Variants in NLGN1 observed in about 807,000 individuals in gnomAD.
The protein encoded by NLGN1 is neuroligin 1, also known as neuroligin-1.
Under a neutral mutation model 65.5 loss-of-function variants are expected in NLGN1, and 12 were observed. The observed-to-expected ratio is 0.18, with a 90% confidence interval of 0.12 to 0.30. The LOEUF (loss-of-function observed/expected upper bound fraction) is 0.30, where lower values mean the gene tolerates loss of function less well. NLGN1 is among the 10% of genes least tolerant of loss of function. The probability of loss-of-function intolerance (pLI) is 1.00; values close to 1 mark genes in which losing one functional copy is unlikely to be tolerated. For missense variants in NLGN1, 750 were observed against 1,007.1 expected (o/e 0.74, Z 3.46); for synonymous variants, 350 against 359.5 (o/e 0.97, Z 0.30).
chr3:173,886,780 A>C (rs1734412907), intron 4 of NLGN1, among the ~76,000 whole-genome samples: 1 of 152,032 alleles, frequency 6.6e-6, no homozygotes, highest in South Asian at 2.1e-4. Context: ...ACTCCATAGG[A>C]GGTATAATAA....
At chr3:173,782,993 TAAGA>T (rs1425150430) in intron 3 of NLGN1, among the ~76,000 whole-genome samples, 1 of 107,032 alleles carries the variant, frequency 9.3e-6, no homozygotes, top group African/African-American at 3.5e-5. Flanking sequence ...AGCTGTCTTT[TAAGA>T]AAGAGAGGGA....
chr3:173,954,106 A>T (rs565868465), intron 4 of NLGN1, among the ~76,000 whole-genome samples: 4 of 152,178 alleles, frequency 2.6e-5, no homozygotes, highest in African/African-American at 9.7e-5. Flanking sequence ...GTAAAATATT[A>T]TCATCAGTCT....
chr3:174,145,629 A>G (rs1214717243), intron 4 of NLGN1, among the ~76,000 whole-genome samples: 1 of 152,258 alleles, frequency 6.6e-6, no homozygotes, highest in Non-Finnish European at 1.5e-5. Flanking sequence ...TGTCTTTGAC[A>G]TTGCTACTTG....
At chr3:174,155,930 TTC>T (rs1384553419) in intron 4 of NLGN1, among the ~76,000 whole-genome samples, 4 of 151,980 alleles carry the variant, frequency 2.6e-5, no homozygotes, top group African/African-American at 9.7e-5. Flanking sequence ...TTACAAGTGT[TTC>T]TGTCTTCATT....
chr3:173,741,578 C>T (rs1774651367), intron 3 of NLGN1, among the ~76,000 whole-genome samples: 1 of 152,032 alleles, frequency 6.6e-6, no homozygotes, highest in South Asian at 2.1e-4. Flanking sequence ...CTGCAACCTC[C>T]ACCTCCTAGG....
chr3:174,048,660 G>A (rs1257821576), intron 4 of NLGN1, among the ~76,000 whole-genome samples: 3 of 151,932 alleles, frequency 2.0e-5, no homozygotes, highest in Admixed American at 6.6e-5. Context: ...TAAGAGTCAC[G>A]AAATGAAAGA....
At chr3:174,256,364 A>T (rs1577624814) in intron 4 of NLGN1, among the ~76,000 whole-genome samples, 1 of 152,184 alleles carries the variant, frequency 6.6e-6, no homozygotes, top group East Asian at 1.9e-4. Context: ...AATATTTGAA[A>T]TGTTCAAAGA....
chr3:173,523,133 G>A (rs946806791), intron 2 of NLGN1, among the ~76,000 whole-genome samples: 15 of 100,608 alleles, frequency 1.5e-4, no homozygotes, highest in African/African-American at 5.2e-4. Flanking sequence ...ATTTGTTTTT[G>A]TTGTTGTTAT....
chr3:173,661,288 CA>C (rs1319992455), intron 3 of NLGN1, among the ~76,000 whole-genome samples: 1 of 151,934 alleles, frequency 6.6e-6, no homozygotes, highest in Non-Finnish European at 1.5e-5. Flanking sequence ...TGGCTTACTG[CA>C]ATGTGTCTCA....
At chr3:173,721,921 G>A (rs1343905182) in intron 3 of NLGN1, among the ~76,000 whole-genome samples, 2 of 142,350 alleles carry the variant, frequency 1.4e-5, no homozygotes, top group African/African-American at 2.6e-5. Flanking sequence ...TGACATGATG[G>A]GCAACATGAA....
chr3:173,861,668 T>C (rs548697555), intron 4 of NLGN1, among the ~76,000 whole-genome samples: 1 of 151,806 alleles, frequency 6.6e-6, no homozygotes, highest in South Asian at 2.1e-4. Flanking sequence ...TGATTACCAA[T>C]AGAACAATTT....
intron 4 of NLGN1, among the ~76,000 whole-genome samples, chr3:174,158,551 C>A (rs1308103678): frequency 1.3e-5 from 2 of 151,592 alleles, no homozygotes; most frequent in East Asian, 3.9e-4. Context: ...CCGGGCATAC[C>A]TTGGTGCTGT....
intron 4 of NLGN1, among the ~76,000 whole-genome samples, chr3:174,037,064 G>A (rs1560894974): frequency 2.0e-5 from 3 of 152,050 alleles, no homozygotes; most frequent in Admixed American, 2.0e-4. Flanking sequence ...ATGAACATAC[G>A]TGTGCATGTC....
intron 4 of NLGN1, among the ~76,000 whole-genome samples, chr3:174,257,690 C>G (rs956628804): frequency 2.6e-5 from 4 of 151,628 alleles, no homozygotes; most frequent in Non-Finnish European, 4.4e-5. Context: ...TTGTATTAAT[C>G]AGAGTTGTCT....
At position 173,452,878 on chromosome 3, in the gene NLGN1, T is replaced by G. The variant is rs143930671; in HGVS notation, c.-321+17800T>G. 1.6e-3 allele frequency among the ~76,000 whole-genome samples: 244 copies of G among 152,286 alleles called. 1 individual carries two copies. Among genetic ancestry groups the G allele is most frequent in the African/African-American group, 5.7e-3 (235 of 41,554 alleles). On this transcript the variant is annotated intron_variant, in intron 2 of 6. Coordinates refer to ENST00000457714, the Ensembl canonical transcript of NLGN1. ...TTTCCCAATACATATATAAATTACG[T>G]TTACATGACACTGTATTTTAATGTG...
intron 4 of NLGN1, among the ~76,000 whole-genome samples, chr3:173,986,148 C>T (rs905120877): frequency 1.1e-4 from 16 of 151,932 alleles, no homozygotes; most frequent in Admixed American, 7.2e-4. Flanking sequence ...GATCCATAAT[C>T]CAATATGACT....
At chr3:174,294,047 T>G in the NLGN1 span, among the ~76,000 whole-genome samples, 1 of 151,688 alleles carries the variant, frequency 6.6e-6, no homozygotes, top group African/African-American at 2.4e-5. Context: ...TATCTACCAA[T>G]TTACTAATTG....
At chr3:173,805,299 A>T (rs1716404873) in intron 3 of NLGN1, among the ~76,000 whole-genome samples, 1 of 152,234 alleles carries the variant, frequency 6.6e-6, no homozygotes, top group African/African-American at 2.4e-5. Flanking sequence ...CAGCATAAGA[A>T]TACTAGAGAA....
chr3:173,793,994 C>T (rs758861790), intron 3 of NLGN1, among the ~76,000 whole-genome samples: 1 of 152,074 alleles, frequency 6.6e-6, no homozygotes. Context: ...ACCCACGACT[C>T]TCTTTTCTAC....
Sources: gnomAD v4.1 joint callset for allele counts (sites outside exome capture counted in the v4.1 genomes callset) on GRCh38, gnomAD v4.1.1 for gene constraint, MANE v1.5 for transcripts, NCBI Gene and HGNC (gene_info 2026-07-23, HGNC 2026-07-21) for gene names.